VPREB3: variants seen among roughly 807,000 people sequenced by gnomAD.
VPREB3 encodes the protein pre-B lymphocyte protein 3.
Under a neutral mutation model 12.9 loss-of-function variants are expected in VPREB3, and 14 were observed. The ratio of observed to expected loss-of-function variants is 1.09; its 90% CI spans 0.72 to 1.70. The LOEUF is 1.70. Ranked by LOEUF, VPREB3 falls within the 40% of genes most tolerant of loss-of-function variation. The pLI is 0.00. For synonymous variants in VPREB3, 78 were observed against 70.1 expected (o/e 1.11, Z -0.56); for missense variants, 165 against 159.6 (o/e 1.03, Z -0.18).
chr22:23,752,744 G>T lies in VPREB3; in HGVS notation c.*132C>A. On this transcript the variant is annotated 3_prime_UTR_variant, in exon 2 of 2. Coordinates refer to ENST00000248948, the MANE Select transcript of VPREB3 (RefSeq NM_013378.3). ...GGATCTTATGACCCTCACAATAGCTGTTGTTGACATGTTGAATATTATTAA... is the reference window on the plus strand; with the variant it reads ...GGATCTTATGACCCTCACAATAGCTTTTGTTGACATGTTGAATATTATTAA... The T allele has an allele frequency of 1.1e-6, 1 of 888,548 alleles. No homozygotes were observed. Among genetic ancestry groups the T allele is most frequent in the Non-Finnish European group, 1.7e-6 (1 of 583,152 alleles). The allele number at this position is 888,548 out of a possible 1,614,324, so 55.0% of individuals were successfully genotyped here. A position where few individuals can be genotyped will look rare whatever the true frequency, so the allele number is the denominator to read the frequency against.
Position 23,753,208 on chromosome 22 carries a change from A to T in VPREB3, c.50-10T>A. 1.3e-6 allele frequency: 2 copies of T among 1,573,544 alleles called. No individual in the cohort carries two copies. Among genetic ancestry groups the T allele is most frequent in the African/African-American group, 1.4e-5 (1 of 74,050 alleles). Reference sequence around the variant, plus strand: ...AGGACTGTCTGGGAAACTGCGAGACACAAACCCACTCAGCCTGAGCCCCTT... The same window carrying T: ...AGGACTGTCTGGGAAACTGCGAGACTCAAACCCACTCAGCCTGAGCCCCTT... On this transcript the variant is annotated splice_polypyrimidine_tract_variant and intron_variant, in intron 1 of 1. Coordinates refer to ENST00000248948, the MANE Select transcript of VPREB3 (RefSeq NM_013378.3).
chr22:23,753,259 C>CT, intron 1 of VPREB3, 61 bp from the exon 2 acceptor site: 1 of 1,477,114 alleles, frequency 6.8e-7, no homozygotes, highest in Non-Finnish European at 9.1e-7. Context: ...CCTGTGAAGG[C>CT]TTGGTTGGAC....
chr22:23,753,086 C>G lies in VPREB3; in HGVS notation c.162G>C (p.Val54=), dbSNP rs1302038575. 6.2e-7 allele frequency: 1 copy of G among 1,614,152 alleles called. No individual in the cohort carries two copies. Among genetic ancestry groups the G allele is most frequent in the Non-Finnish European group, 8.5e-7 (1 of 1,180,020 alleles). Residue 54 remains valine, a synonymous_variant, in exon 2 of 2, where the codon GTG becomes GTC. Coordinates refer to ENST00000248948, the MANE Select transcript of VPREB3 (RefSeq NM_013378.3). ...TGCCTGCCCGCTGCTGGTACCAGGA[C>G]ACACCGTAGTCCCTGATGGTGACGT... ...PQHVTIRDYG[V]SWYQQRAGSA...
In VPREB3 at chr22:23,753,067, C is replaced by T. The variant is rs1925411233; in HGVS notation, c.181G>A (p.Ala61Thr). 1 of 1,614,152 alleles carries T rather than the reference C, an allele frequency of 6.2e-7. No individual in the cohort carries two copies. The highest frequency in any genetic ancestry group is 1.7e-5 in the Admixed American group (1 of 60,018). ...AGGAGATATCGAGGGGCACTGCCTG[C>T]CCGCTGCTGGTACCAGGACACACCG... ...DYGVSWYQQR[A>T]GSAPRYLLYY... Residue 61 changes from alanine to threonine, a missense_variant, in exon 2 of 2, where the codon GCA becomes ACA. Ala to Thr is a moderately conservative substitution (Grantham distance 58). Coordinates refer to ENST00000248948, the MANE Select transcript of VPREB3 (RefSeq NM_013378.3).
chr22:23,753,185 G>A lies in VPREB3; in HGVS notation c.63C>T (p.Val21=). 1 of 1,596,600 alleles carries A rather than the reference G, an allele frequency of 6.3e-7. No individual in the cohort carries two copies. The highest frequency in any genetic ancestry group is 1.8e-5 in the Admixed American group (1 of 57,030). ...MGTFLSVSQT[V]LAQLDALLVF... The stretch of plus-strand genomic sequence containing the variant: ...CCAGCAGTGCATCCAGCTGGGCCAG[G>A]ACTGTCTGGGAAACTGCGAGACACA... The change falls in exon 2 of 2, where the codon GTC becomes GTT. Residue 21 remains valine, a synonymous_variant. Transcript: ENST00000248948.
At chr22:23,754,114 C>T (rs1332456229) in intron 1 of VPREB3, among the ~76,000 whole-genome samples, 5 of 151,352 alleles carry the variant, frequency 3.3e-5, no homozygotes, top group Admixed American at 3.3e-4. Context: ...ACCTGGGAGG[C>T]AGAGGTGCAG....
At chr22:23,753,764 A>G (rs1464182171) in intron 1 of VPREB3, among the ~76,000 whole-genome samples, 1 of 152,192 alleles carries the variant, frequency 6.6e-6, no homozygotes, top group African/African-American at 2.4e-5. Context: ...AAGGAGACCC[A>G]AAGTCAGAGT....
intron 1 of VPREB3, among the ~76,000 whole-genome samples, chr22:23,754,084 G>A (rs933307317): frequency 2.0e-5 from 3 of 152,012 alleles, no homozygotes; most frequent in African/African-American, 7.3e-5. Flanking sequence ...TCAGGACGCT[G>A]AGGCAGAAGA....
chr22:23,753,661 C>T lies in VPREB3; in HGVS notation c.50-463G>A, dbSNP rs79796902. On this transcript the variant is annotated intron_variant, in intron 1 of 1. Coordinates refer to ENST00000248948, the MANE Select transcript of VPREB3 (RefSeq NM_013378.3). ...CACACATCAACTCAGCCTCAGGCAA[C>T]TGGCTGCAGGGACCCTCTCAGGGAG... is the stretch of plus-strand genomic sequence containing the variant. Among the ~76,000 whole-genome samples the T allele has an allele frequency of 3.4e-3, 519 of 152,296 alleles. 4 individuals are homozygous for T. The highest frequency in any genetic ancestry group is 0.011 in the African/African-American group (454 of 41,558).
chr22:23,754,367 C>G lies in VPREB3; in HGVS notation c.-4G>C. The G allele has an allele frequency of 2.5e-6, 4 of 1,608,978 alleles. No individual in the cohort carries two copies. The highest frequency in any genetic ancestry group is 3.4e-6 in the Non-Finnish European group (4 of 1,177,896). On this transcript the variant is annotated 5_prime_UTR_variant, in exon 1 of 2. Transcript: ENST00000248948. ...AGCTGAGGCACCGGCAGGCCATGGCCAGAGGCAGGGAGGCAGGCAAGTAGA... is the reference window on the plus strand; with the variant it reads ...AGCTGAGGCACCGGCAGGCCATGGCGAGAGGCAGGGAGGCAGGCAAGTAGA...
intron 1 of VPREB3, among the ~76,000 whole-genome samples, chr22:23,753,421 C>A (rs1256169450): frequency 6.6e-6 from 1 of 152,088 alleles, no homozygotes; most frequent in African/African-American, 2.4e-5. Flanking sequence ...AGTTAGCCCC[C>A]AAATCTCCAT....
At chr22:23,754,057 C>T (rs1452162637) in intron 1 of VPREB3, among the ~76,000 whole-genome samples, 3 of 152,078 alleles carry the variant, frequency 2.0e-5, no homozygotes, top group Non-Finnish European at 4.4e-5. Flanking sequence ...GTGGCGCATG[C>T]CTGTAATCCC....
rs143409128 is a variant in VPREB3, at chr22:23,753,091, C to G, written c.157G>C (p.Gly53Arg). ...GCCCGCTGCTGGTACCAGGACACAC[C>G]GTAGTCCCTGATGGTGACGTGCTGG... ...SPQHVTIRDY[G>R]VSWYQQRAGS... Residue 53 changes from glycine to arginine, a missense_variant, in exon 2 of 2, where the codon GGT becomes CGT. Transcript: ENST00000248948. 1 of 1,614,080 alleles carries G rather than the reference C, an allele frequency of 6.2e-7. No individual in the cohort carries two copies. The highest frequency in any genetic ancestry group is 1.1e-5 in the South Asian group (1 of 91,084).
In VPREB3 at chr22:23,752,890, CGT is replaced by C. The variant is rs1925401564; in HGVS notation, c.356_357del (p.Tyr119TrpfsTer3). The C allele has an allele frequency of 6.2e-7, 1 of 1,611,710 alleles. No individual in the cohort carries two copies. Among genetic ancestry groups the C allele is most frequent in the East Asian group, 2.2e-5 (1 of 44,808 alleles). On this transcript the variant is annotated frameshift_variant, in exon 2 of 2. Transcript: ENST00000248948. LOFTEE classifies it high-confidence loss of function. ...ACACCCCACCCCTAGGGACTAAAGC[CGT>C]AGCCAACAGAGCAGTAGTAATCCGC... ...DDADYYCSVG[Y>X]GFSP
At chr22:23,753,318 A>C (rs1309209037) in intron 1 of VPREB3, 120 bp from the exon 2 acceptor site, 1 of 1,061,644 alleles carries the variant, frequency 9.4e-7, no homozygotes, top group African/African-American at 1.6e-5. Flanking sequence ...GTGCTATGGG[A>C]TTAGCAATGA....
Position 23,752,978 on chromosome 22 carries a change from G to T in VPREB3, c.270C>A (p.Ala90=), listed in dbSNP as rs1925406785. ...PADIPDRFSA[A]KDEAHNACVL... is the part of the protein sequence containing the mutation. ...CACAGGCATTGTGGGCCTCATCCTT[G>T]GCTGCCGAGAATCGATCGGGGATGT... Residue 90 remains alanine, a synonymous_variant, in exon 2 of 2, where the codon GCC becomes GCA. Coordinates refer to ENST00000248948, the MANE Select transcript of VPREB3 (RefSeq NM_013378.3). The T allele has an allele frequency of 1.2e-6, 2 of 1,614,046 alleles. No individual in the cohort carries two copies. Among genetic ancestry groups the T allele is most frequent in the Non-Finnish European group, 1.7e-6 (2 of 1,180,034 alleles).
At chr22:23,754,206 C>T (rs1404515575) in intron 1 of VPREB3, 109 bp downstream of exon 1, 2 of 1,207,190 alleles carry the variant, frequency 1.7e-6, no homozygotes, top group Non-Finnish European at 2.3e-6. Flanking sequence ...ATACCCCTCC[C>T]AGGACCTGCC....
At position 23,753,042 on chromosome 22, in the gene VPREB3, A is replaced by G; in HGVS notation, c.206T>C (p.Leu69Pro). The G allele has an allele frequency of 1.2e-6, 2 of 1,614,056 alleles. No individual in the cohort carries two copies. Residue 69 changes from leucine to proline, a missense_variant, in exon 2 of 2, where the codon CTC becomes CCC. By Grantham distance (98) the Leu-to-Pro change is moderately conservative. Coordinates refer to ENST00000248948, the MANE Select transcript of VPREB3 (RefSeq NM_013378.3). ...QRAGSAPRYL[L>P]YYRSEEDHHR... ...GTGATCCTCCTCCGAGCGGTAGTAGAGGAGATATCGAGGGGCACTGCCTGC... is the reference window on the plus strand; with the variant it reads ...GTGATCCTCCTCCGAGCGGTAGTAGGGGAGATATCGAGGGGCACTGCCTGC...
In VPREB3 at chr22:23,752,871, C is replaced by T. The variant is rs775718797; in HGVS notation, c.*5G>A. On this transcript the variant is annotated 3_prime_UTR_variant, in exon 2 of 2. Transcript: ENST00000248948. ...GAGGGGAGGCACCCATCTCACACCC[C>T]ACCCCTAGGGACTAAAGCCGTAGCC... 2 of 1,601,964 alleles carry T rather than the reference C, an allele frequency of 1.2e-6. No homozygotes were observed. Among genetic ancestry groups the T allele is most frequent in the Non-Finnish European group, 1.7e-6 (2 of 1,170,858 alleles).
Sources: allele counts gnomAD v4.1 joint callset (sites outside exome capture counted in the v4.1 genomes callset), GRCh38; gene constraint gnomAD v4.1.1; transcripts MANE v1.5; gene names NCBI Gene and HGNC (gene_info 2026-07-23, HGNC 2026-07-21).